The following ALPL variants were observed in gnomAD, a reference collection of about 807,000 sequenced individuals.
The protein encoded by ALPL is alkaline phosphatase, biomineralization associated.
In ALPL, 42 loss-of-function variants were observed where a neutral mutation model predicts 51.3. That is an observed-to-expected ratio of 0.82 (90% CI 0.64 to 1.06). The LOEUF (loss-of-function observed/expected upper bound fraction) is 1.06. Among genes scored for constraint, ALPL ranks in the 50% least tolerant of loss-of-function variants. The probability of loss-of-function intolerance (pLI) is 0.00; values close to 1 mark genes in which losing one functional copy is unlikely to be tolerated. For synonymous variants in ALPL, 279 were observed against 296.4 expected (o/e 0.94, Z 0.60); for missense variants, 589 against 709.4 (o/e 0.83, Z 1.93).
intron 1 of ALPL, among the ~76,000 whole-genome samples, chr1:21,521,224 G>A (rs544627110): frequency 9.2e-5 from 14 of 151,620 alleles, no homozygotes; most frequent in African/African-American, 2.4e-4. Flanking sequence ...CTGCTCTGTC[G>A]CCCAGGCTGT....
chr1:21,526,183 A>G (rs1419343866), intron 1 of ALPL, among the ~76,000 whole-genome samples: 1 of 152,094 alleles, frequency 6.6e-6, no homozygotes, highest in Non-Finnish European at 1.5e-5. Flanking sequence ...TCTGTCTCCC[A>G]GGCTGGAGTG....
chr1:21,553,883 A>T, intron 1 of ALPL, 95 bp from the exon 2 acceptor site: 1 of 625,318 alleles, frequency 1.6e-6, no homozygotes, highest in South Asian at 1.8e-5. Flanking sequence ...CTCACCGAAT[A>T]CTTGTTGAAT....
At chr1:21,543,081 A>G (rs1218571090) in intron 1 of ALPL, among the ~76,000 whole-genome samples, 2 of 152,060 alleles carry the variant, frequency 1.3e-5, no homozygotes, top group East Asian at 1.9e-4. Context: ...TTAAGGCTGC[A>G]GTGAACTATG....
At chr1:21,576,683 C>T in intron 11 of ALPL, 42 bp downstream of exon 11, 2 of 1,611,588 alleles carry the variant, frequency 1.2e-6, no homozygotes, top group Non-Finnish European at 8.5e-7. Flanking sequence ...GACAGGGCAC[C>T]CCTCGGGGAT....
chr1:21,530,529 A>G (rs1291357489), intron 1 of ALPL, among the ~76,000 whole-genome samples: 1 of 152,150 alleles, frequency 6.6e-6, no homozygotes, highest in Non-Finnish European at 1.5e-5. Context: ...CATCAGAACC[A>G]CTTGGTTTCT....
At chr1:21,577,226 C>T (rs535915749) in intron 11 of ALPL, among the ~76,000 whole-genome samples, 157 bp from the exon 12 acceptor site, 4 of 152,348 alleles carry the variant, frequency 2.6e-5, no homozygotes, top group South Asian at 2.1e-4. Context: ...GTTCAAATCC[C>T]GTGGCCTTAG....
At chr1:21,542,613 G>A (rs550445549) in intron 1 of ALPL, among the ~76,000 whole-genome samples, 4 of 152,148 alleles carry the variant, frequency 2.6e-5, no homozygotes, top group Admixed American at 6.6e-5. Context: ...AGGCCGAGGC[G>A]GGCGGATCAC....
intron 6 of ALPL, among the ~76,000 whole-genome samples, chr1:21,566,090 A>T (rs774405395): frequency 8.3e-5 from 12 of 144,778 alleles, no homozygotes; most frequent in Non-Finnish European, 1.4e-4. Context: ...TTCTTCTCCC[A>T]GCCCACCCTG....
rs753929700 is a variant in ALPL at position 21,563,200 on chromosome 1, G to T, written c.388G>T (p.Val130Leu). The change falls in exon 5 of 12, where the codon GTA becomes TTA. Residue 130 changes from valine (V) to leucine (L), a missense_variant. Physicochemically the swap from Val to Leu is conservative, Grantham distance 32. Coordinates refer to ENST00000374840, the MANE Select transcript of ALPL (RefSeq NM_000478.6). ...GAAGGCCAATGAGGGCACCGTGGGG[G>T]TAAGCGCAGCCACTGAGCGTTCCCG... ...GVKANEGTVG[V>L]SAATERSRCN... 1.9e-6 allele frequency: 3 copies of T among 1,613,862 alleles called. No individual in the cohort carries two copies. In the African/African-American group the frequency reaches 4.0e-5, roughly 22 times the overall value.
At chr1:21,573,855 G>A in intron 9 of ALPL, 56 bp downstream of exon 9, 6 of 1,612,242 alleles carry the variant, frequency 3.7e-6, no homozygotes, top group Non-Finnish European at 5.1e-6. Context: ...CCTGGTGTCA[G>A]GATGGAGAAG....
intron 1 of ALPL, among the ~76,000 whole-genome samples, chr1:21,526,670 A>G (rs1462628364): frequency 6.6e-6 from 1 of 152,188 alleles, no homozygotes; most frequent in Non-Finnish European, 1.5e-5. Context: ...GTGAAAACTT[A>G]TTATTTGAAC....
chr1:21,575,658 A>G, intron 9 of ALPL, 75 bp from the exon 10 acceptor site: 10 of 1,557,156 alleles, frequency 6.4e-6, no homozygotes, highest in Non-Finnish European at 8.8e-6. Context: ...TTAATCCAGC[A>G]GCAGTGTTGT....
chr1:21,514,986 G>A (rs764963365), intron 1 of ALPL, among the ~76,000 whole-genome samples: 8 of 152,024 alleles, frequency 5.3e-5, no homozygotes, highest in African/African-American at 9.7e-5. Flanking sequence ...GTCATTTCTG[G>A]AAATAAGGCC....
rs150032089 is a variant in ALPL at position 21,530,399 on chromosome 1, G to T, written c.-105+20882G>T. Reference sequence around the variant, plus strand: ...GTTCTTTAACTTGTGAGCTTACTCCGTGGGGGATTTCAGCTATTCTGTTTG... The same window carrying T: ...GTTCTTTAACTTGTGAGCTTACTCCTTGGGGGATTTCAGCTATTCTGTTTG... On this transcript the variant is annotated intron_variant, in intron 1 of 11. Coordinates refer to ENST00000374840, the MANE Select transcript of ALPL (RefSeq NM_000478.6). Among the ~76,000 whole-genome samples the T allele has an allele frequency of 1.6e-3, 246 of 152,238 alleles. 1 individual carries two copies. The highest frequency in any genetic ancestry group is 4.9e-3 in the African/African-American group (205 of 41,526).
At chr1:21,555,169 G>C (rs1340926823) in intron 2 of ALPL, among the ~76,000 whole-genome samples, 1 of 151,706 alleles carries the variant, frequency 6.6e-6, no homozygotes, top group African/African-American at 2.4e-5. Flanking sequence ...GGGGTCACAA[G>C]GTGCTCAGTG....
At chr1:21,562,524 G>A (rs1003343272) in intron 4 of ALPL, among the ~76,000 whole-genome samples, 1 of 152,150 alleles carries the variant, frequency 6.6e-6, no homozygotes, top group Non-Finnish European at 1.5e-5. Context: ...GGTGCCTTCT[G>A]TGCCTTCAAG....
At chr1:21,538,245 C>T (rs1165115787) in intron 1 of ALPL, among the ~76,000 whole-genome samples, 1 of 152,170 alleles carries the variant, frequency 6.6e-6, no homozygotes, top group African/African-American at 2.4e-5. Flanking sequence ...GCTGCATGCC[C>T]TTGGGTGGGA....
At chr1:21,551,720 T>TTTTTTTG (rs34713844) in intron 1 of ALPL, among the ~76,000 whole-genome samples, 1 of 28,134 alleles carries the variant, frequency 3.6e-5, no homozygotes, top group Non-Finnish European at 8.0e-5. Flanking sequence ...GCTTGCGTGG[T>TTTTTTTG]TTTTTTTTTT....
intron 1 of ALPL, among the ~76,000 whole-genome samples, chr1:21,540,228 G>T (rs1018357491): frequency 1.3e-5 from 2 of 152,142 alleles, no homozygotes; most frequent in African/African-American, 4.8e-5. Flanking sequence ...CTCCGCCCCC[G>T]ACCCCTGCCT....
Sources: gnomAD v4.1 joint callset for allele counts (sites outside exome capture counted in the v4.1 genomes callset) on GRCh38, gnomAD v4.1.1 for gene constraint, MANE v1.5 for transcripts, NCBI Gene and HGNC (gene_info 2026-07-23, HGNC 2026-07-21) for gene names.